LAMA2: variants seen among roughly 807,000 people sequenced by gnomAD.
LAMA2 encodes laminin subunit alpha-2.
In LAMA2, 269 loss-of-function variants were observed where a neutral mutation model predicts 364.8. That is an observed-to-expected ratio of 0.74 (90% confidence interval 0.67 to 0.82). LAMA2 has a LOEUF of 0.82. Among genes scored for constraint, LAMA2 ranks in the 40% least tolerant of loss-of-function variants. The pLI, the probability that LAMA2 is intolerant of heterozygous loss-of-function variation, is 0.00. For missense variants in LAMA2, 3,807 were observed against 3,873.2 expected (o/e 0.98, Z 0.45); for synonymous variants, 1,379 against 1,370.6 (o/e 1.01, Z -0.14).
chr6:129,284,832 A>G (rs1019995864), intron 18 of LAMA2, among the ~76,000 whole-genome samples: 1 of 152,084 alleles, frequency 6.6e-6, no homozygotes, highest in African/African-American at 2.4e-5. Context: ...AAATAACTGC[A>G]TGTGTTATCT....
intron 4 of LAMA2, among the ~76,000 whole-genome samples, chr6:129,141,623 T>G (rs1778128094): frequency 6.6e-6 from 1 of 152,060 alleles, no homozygotes; most frequent in Non-Finnish European, 1.5e-5. Context: ...TGTAAAAGGC[T>G]CCCTGGGATT....
At chr6:128,898,687 A>G (rs1372517910) in intron 1 of LAMA2, among the ~76,000 whole-genome samples, 2 of 152,252 alleles carry the variant, frequency 1.3e-5, no homozygotes, top group African/African-American at 2.4e-5. Context: ...TGAACTCTGA[A>G]AATAGTAAAT....
chr6:129,303,548 A>C lies in LAMA2; in HGVS notation c.3174+2676A>C, dbSNP rs538622728. Among the ~76,000 whole-genome samples, 4 of 152,164 alleles carry C rather than the reference A, an allele frequency of 2.6e-5. No individual in the cohort carries two copies. In the East Asian group the frequency reaches 5.8e-4, roughly 22 times the overall value. ...TTGAAAATGATGTTGGCTATATTTT[A>C]CCTGTAGGTGCTTTTTATTGTTTTG... On this transcript the variant is annotated intron_variant, in intron 22 of 64. Coordinates refer to ENST00000421865, the MANE Select transcript of LAMA2 (RefSeq NM_000426.4).
chr6:129,058,105 G>C (rs530053247), intron 2 of LAMA2, among the ~76,000 whole-genome samples: 6 of 152,254 alleles, frequency 3.9e-5, no homozygotes, highest in African/African-American at 1.4e-4. Flanking sequence ...CTGCAGCCTT[G>C]GGAATAGAAA....
Position 129,252,122 on chromosome 6 carries a change from G to C in LAMA2, c.1923G>C (p.Val641=), listed in dbSNP as rs765332791. The C allele has an allele frequency of 6.2e-6, 10 of 1,613,234 alleles. No individual in the cohort carries two copies. The East Asian group carries it at 2.2e-4, about 36-fold the overall frequency. ...GCATCAGCACAGCCCAAGATGAGGT[G>C]TACCTGCACCCATCTGAAGAACATA... is the stretch of plus-strand genomic sequence containing the variant. The part of the protein sequence containing the change: ...DLSISTAQDE[V]YLHPSEEHTN... The change falls in exon 14 of 65, where the codon GTG becomes GTC. Residue 641 remains valine, a synonymous_variant. Coordinates refer to ENST00000421865, the MANE Select transcript of LAMA2 (RefSeq NM_000426.4).
chr6:129,051,656 A>G (rs7770135), intron 2 of LAMA2, among the ~76,000 whole-genome samples: 29 of 40,092 alleles, frequency 7.2e-4, no homozygotes, highest in African/African-American at 3.1e-3. Flanking sequence ...TATATTTTAC[A>G]TATCTATAGA....
chr6:129,157,256 T>C (rs1020875634), intron 8 of LAMA2, among the ~76,000 whole-genome samples: 2 of 152,162 alleles, frequency 1.3e-5, no homozygotes, highest in Non-Finnish European at 2.9e-5. Flanking sequence ...GAAGTCTTGA[T>C]GCAGTTCATA....
intron 32 of LAMA2, among the ~76,000 whole-genome samples, chr6:129,363,056 C>T (rs755615079): frequency 6.6e-6 from 1 of 152,158 alleles, no homozygotes. Context: ...CGCCTATGAT[C>T]CCAGCACTTG....
intron 31 of LAMA2, 128 bp downstream of exon 31, chr6:129,349,512 A>G (rs917477275): frequency 3.8e-6 from 3 of 788,298 alleles, no homozygotes; most frequent in African/African-American, 3.4e-5. Context: ...TTTAAATTAC[A>G]ATGCTTTCAA....
chr6:128,917,573 C>T (rs1778401852), intron 1 of LAMA2, among the ~76,000 whole-genome samples: 2 of 152,022 alleles, frequency 1.3e-5, no homozygotes, highest in African/African-American at 4.8e-5. Context: ...AGCACTAGTT[C>T]TTCCCCATGG....
intron 1 of LAMA2, among the ~76,000 whole-genome samples, chr6:129,046,599 G>A (rs1469840088): frequency 6.6e-6 from 1 of 152,128 alleles, no homozygotes; most frequent in Non-Finnish European, 1.5e-5. Flanking sequence ...ATGAGATTTG[G>A]GTAGGGACAC....
chr6:129,303,312 C>T (rs184366129), intron 22 of LAMA2, among the ~76,000 whole-genome samples: 76 of 152,136 alleles, frequency 5.0e-4, no homozygotes, highest in Non-Finnish European at 8.1e-4. Flanking sequence ...TCTTGCTAAA[C>T]TTATTAGTTC....
At chr6:129,370,197 G>A (rs565892286) in intron 34 of LAMA2, among the ~76,000 whole-genome samples, 58 of 152,316 alleles carry the variant, frequency 3.8e-4, no homozygotes, top group Admixed American at 5.9e-4. Context: ...CCTGGAAATT[G>A]TCAATGGCTA....
chr6:129,159,004 G>A, intron 8 of LAMA2: 1 of 1,587,286 alleles, frequency 6.3e-7, no homozygotes, highest in Non-Finnish European at 8.6e-7. Flanking sequence ...TTTTCTGGTC[G>A]GAGTCTGATT....
At chr6:128,929,735 G>A in intron 1 of LAMA2, 1 of 1,264,254 alleles carries the variant, frequency 7.9e-7, no homozygotes, top group Non-Finnish European at 1.2e-6. Context: ...CCCAATTCTT[G>A]TACCAATCGT....
At chr6:129,167,471 T>C (rs1004928685) in intron 9 of LAMA2, among the ~76,000 whole-genome samples, 7 of 152,098 alleles carry the variant, frequency 4.6e-5, no homozygotes, top group African/African-American at 1.7e-4. Flanking sequence ...TTCATCCATG[T>C]CCCTACAAAG....
intron 8 of LAMA2, among the ~76,000 whole-genome samples, chr6:129,164,624 C>T (rs1779629672): frequency 6.6e-6 from 1 of 152,164 alleles, no homozygotes; most frequent in African/African-American, 2.4e-5. Flanking sequence ...TCCAGGTATT[C>T]ATCAAACATT....
At chr6:129,301,890 T>C (rs2501461) in intron 22 of LAMA2, among the ~76,000 whole-genome samples, 440 of 152,250 alleles carry the variant, frequency 2.9e-3, no homozygotes, top group African/African-American at 9.8e-3. Context: ...CGTAGTCTGT[T>C]TTTTTGAGGG....
At chr6:129,305,088 T>C (rs1773783953) in intron 22 of LAMA2, among the ~76,000 whole-genome samples, 1 of 152,222 alleles carries the variant, frequency 6.6e-6, no homozygotes, top group Admixed American at 6.5e-5. Flanking sequence ...ACATGTATTT[T>C]TGAGCAGTGA....
Sources: allele counts gnomAD v4.1 joint callset (sites outside exome capture counted in the v4.1 genomes callset), GRCh38; gene constraint gnomAD v4.1.1; transcripts MANE v1.5; gene names NCBI Gene and HGNC (gene_info 2026-07-23, HGNC 2026-07-21).